The following ADD3 variants were observed in gnomAD, a reference collection of about 807,000 sequenced individuals.
The protein encoded by ADD3 is adducin 3.
A neutral mutation model predicts 80.2 loss-of-function variants in ADD3; 25 were observed. The ratio of observed to expected loss-of-function variants is 0.31; its 90% CI spans 0.23 to 0.44. ADD3 has a LOEUF of 0.44. Among genes scored for constraint, ADD3 ranks in the 20% least tolerant of loss-of-function variants. The pLI is 1.00. For missense variants in ADD3, 829 were observed against 847.5 expected, an observed-to-expected ratio of 0.98 and a Z score of 0.27; for synonymous variants, 284 against 289.6, an observed-to-expected ratio of 0.98 and a Z score of 0.20.
intron 1 of ADD3, among the ~76,000 whole-genome samples, chr10:110,056,921 T>A (rs1441566440): frequency 1.3e-5 from 2 of 152,218 alleles, no homozygotes; most frequent in Non-Finnish European, 2.9e-5. Context: ...GTGGCTATAC[T>A]AATGGGAAGA....
intron 1 of ADD3, among the ~76,000 whole-genome samples, chr10:110,045,841 A>G (rs1589855457): frequency 6.6e-6 from 1 of 152,238 alleles, no homozygotes; most frequent in East Asian, 1.9e-4. Flanking sequence ...TACATACTGT[A>G]GTCCTGTAAT....
chr10:110,006,810 T>C (rs1348616957), upstream of ADD3, among the ~76,000 whole-genome samples: 1 of 149,848 alleles, frequency 6.7e-6, no homozygotes, highest in Non-Finnish European at 1.5e-5. Context: ...AGTCTGCAGA[T>C]GAGGAAAGGA....
intron 12 of ADD3, among the ~76,000 whole-genome samples, chr10:110,129,027 A>G (rs1483102175): frequency 6.6e-6 from 1 of 152,066 alleles, no homozygotes; most frequent in Non-Finnish European, 1.5e-5. Flanking sequence ...TAATTCTTTT[A>G]TCTGGGACTA....
chr10:109,998,603 G>T (rs758389568), intron 1 of ADD3, among the ~76,000 whole-genome samples: 41 of 152,140 alleles, frequency 2.7e-4, no homozygotes, highest in Non-Finnish European at 5.1e-4. Context: ...TGATCTGCCA[G>T]ACCCACATGA....
intron 1 of ADD3, among the ~76,000 whole-genome samples, chr10:110,024,811 T>C (rs539884850): frequency 1.3e-5 from 2 of 152,328 alleles, no homozygotes; most frequent in East Asian, 3.9e-4. Context: ...CCATTTATTT[T>C]TTAAATACTT....
intron 13 of ADD3, among the ~76,000 whole-genome samples, chr10:110,130,962 A>G (rs576607729): frequency 2.0e-5 from 3 of 152,318 alleles, no homozygotes; most frequent in Admixed American, 2.0e-4. Flanking sequence ...TTACTAGCCA[A>G]AGTAGATGTA....
intron 2 of ADD3, among the ~76,000 whole-genome samples, chr10:110,102,267 A>C (rs973697862): frequency 5.8e-5 from 7 of 120,536 alleles, no homozygotes; most frequent in African/African-American, 5.5e-4. Flanking sequence ...TATTTAGATC[A>C]AAAATAGATA....
rs73352915 is a variant in ADD3 at position 110,119,122 on chromosome 10, G to A, written c.718-89G>A. On this transcript the variant is annotated intron_variant, in intron 6 of 14. Transcript: ENST00000356080. ...GGTGAAACACAGTGAATAGGCCAGTGTTTTCCTGAGCTGACCAAACAATCA... is the reference window on the plus strand; with the variant it reads ...GGTGAAACACAGTGAATAGGCCAGTATTTTCCTGAGCTGACCAAACAATCA... 42,557 of 1,445,346 alleles carry A rather than the reference G, an allele frequency of 0.029. 7,854 individuals are homozygous for A. In the African/African-American group the frequency reaches 0.46, roughly 16 times the overall value. The allele number at this position is 1,445,346 out of a possible 1,614,324, so 89.5% of individuals were successfully genotyped here.
chr10:110,122,090 TA>T lies in ADD3; in HGVS notation c.961-19del, dbSNP rs758805890. ...GTCTTTATAGTTTTGTGTCTCTGTA[TA>T]TTTTACCATTGATTACAGGTGCAGG... On this transcript the variant is annotated intron_variant, in intron 8 of 14. Coordinates refer to ENST00000356080, the MANE Select transcript of ADD3 (RefSeq NM_016824.5). 6.3e-7 allele frequency: 1 copy of T among 1,592,098 alleles called. No homozygotes were observed. Among genetic ancestry groups the T allele is most frequent in the Non-Finnish European group, 8.5e-7 (1 of 1,169,826 alleles).
chr10:110,016,303 A>C (rs918410705), intron 1 of ADD3: 5 of 152,218 alleles, frequency 3.3e-5, no homozygotes, highest in Admixed American at 2.6e-4. Flanking sequence ...ATTTGACAGG[A>C]TCTTAGTACC....
chr10:110,043,622 A>G (rs545465707), intron 1 of ADD3, among the ~76,000 whole-genome samples: 1 of 152,226 alleles, frequency 6.6e-6, no homozygotes, highest in Non-Finnish European at 1.5e-5. Flanking sequence ...GGGAAATTGT[A>G]AAAGCTATGT....
At chr10:110,064,206 TTG>T (rs1436370597) in intron 1 of ADD3, among the ~76,000 whole-genome samples, 1 of 152,252 alleles carries the variant, frequency 6.6e-6, no homozygotes, top group African/African-American at 2.4e-5. Context: ...ATGAACATCC[TTG>T]TTGTATGGTT....
chr10:110,035,911 G>A (rs1299506532), intron 1 of ADD3, among the ~76,000 whole-genome samples: 1 of 152,082 alleles, frequency 6.6e-6, no homozygotes, highest in Admixed American at 6.6e-5. Context: ...CAACACTTTG[G>A]GAGGCTGAAG....
At chr10:110,017,609 C>T (rs1853152071) in intron 1 of ADD3, among the ~76,000 whole-genome samples, 1 of 151,992 alleles carries the variant, frequency 6.6e-6, no homozygotes, top group Non-Finnish European at 1.5e-5. Context: ...ATTTAGTTTG[C>T]TTCCTTCTAA....
chr10:110,059,137 G>C (rs992676191), intron 1 of ADD3, among the ~76,000 whole-genome samples: 1 of 151,992 alleles, frequency 6.6e-6, no homozygotes, highest in Non-Finnish European at 1.5e-5. Flanking sequence ...TAAATTATAT[G>C]TTGGTACCAT....
At chr10:110,075,714 C>CT (rs1402620648) in intron 1 of ADD3, 1 of 152,104 alleles carries the variant, frequency 6.6e-6, no homozygotes, top group East Asian at 1.9e-4. Flanking sequence ...CAACTGGTAA[C>CT]TTTGAATTGT....
In ADD3 at chr10:110,133,461, T is replaced by TA; in HGVS notation, c.1965dup (p.Glu656ArgfsTer8). 1.9e-6 allele frequency: 3 copies of TA among 1,613,826 alleles called. No individual in the cohort carries two copies. In the South Asian group the frequency reaches 3.3e-5, roughly 18 times the overall value. Reference sequence around the variant, plus strand: ...AGTAGGTTAAGCACAAGTACAACCATAGAAAACATCGAGATTACTATTAAG... The same window carrying TA: ...AGTAGGTTAAGCACAAGTACAACCATAAGAAAACATCGAGATTACTATTAAG... On this transcript the variant is annotated frameshift_variant, in exon 15 of 15. Coordinates refer to ENST00000356080, the MANE Select transcript of ADD3 (RefSeq NM_016824.5). LOFTEE classifies it high-confidence loss of function.
intron 1 of ADD3, among the ~76,000 whole-genome samples, chr10:110,091,929 A>G (rs1435514454): frequency 6.6e-6 from 1 of 152,192 alleles, no homozygotes; most frequent in Non-Finnish European, 1.5e-5. Flanking sequence ...GTCTCAAAGG[A>G]CATGAACATC....
chr10:110,048,069 C>T (rs1167549370), intron 1 of ADD3, among the ~76,000 whole-genome samples: 3 of 152,116 alleles, frequency 2.0e-5, no homozygotes, highest in South Asian at 2.1e-4. Context: ...ATAGTTAAAT[C>T]GTGGGGGCAG....
Sources: gnomAD v4.1 joint callset for allele counts (sites outside exome capture counted in the v4.1 genomes callset) on GRCh38, gnomAD v4.1.1 for gene constraint, MANE v1.5 for transcripts, NCBI Gene and HGNC (gene_info 2026-07-23, HGNC 2026-07-21) for gene names.